Variants in EDIL3 observed in about 807,000 individuals in gnomAD.
EDIL3 encodes the protein EGF-like repeat and discoidin I-like domain-containing protein 3.
EDIL3 carries 37 observed loss-of-function variants against 67.4 expected under a neutral mutation model. The observed-to-expected ratio is 0.55, with a 90% CI of 0.42 to 0.72. The LOEUF is 0.72. Among genes scored for constraint, EDIL3 ranks in the 30% least tolerant of loss-of-function variants. The probability of loss-of-function intolerance (pLI) is 0.00; values close to 1 mark genes in which losing one functional copy is unlikely to be tolerated. For synonymous variants in EDIL3, 195 were observed against 196.3 expected, an observed-to-expected ratio of 0.99 and a Z score of 0.05; for missense variants, 527 against 586.3, an observed-to-expected ratio of 0.90 and a Z score of 1.04.
rs1748590557 is a variant in EDIL3 at position 84,160,751 on chromosome 5, TTTC to T, written c.355+19639_355+19641del. On this transcript the variant is annotated intron_variant, in intron 4 of 10. Transcript: ENST00000296591. ...CTTTTTTTTCTTTTCTTTTCTTTCC[TTTC>T]CTTTCCTTTCCTTTCCTTTCCTTTC... 5.5e-4 allele frequency among the ~76,000 whole-genome samples: 9 copies of T among 16,454 alleles called. No homozygotes were observed. The South Asian group carries it at 9.5e-3, about 17-fold the overall frequency. The allele number at this position is 16,454 out of a possible 152,430, so 10.8% of individuals were successfully genotyped here.
At chr5:84,136,335 C>T (rs1748091156) in intron 5 of EDIL3, among the ~76,000 whole-genome samples, 1 of 152,136 alleles carries the variant, frequency 6.6e-6, no homozygotes, top group Non-Finnish European at 1.5e-5. Flanking sequence ...CGATATACAT[C>T]GAAGCAGTAG....
At chr5:84,272,518 T>C (rs532871181) in intron 1 of EDIL3, among the ~76,000 whole-genome samples, 2 of 152,278 alleles carry the variant, frequency 1.3e-5, no homozygotes, top group East Asian at 1.9e-4. Context: ...TACACATATG[T>C]ATGTGTAGGT....
At chr5:84,323,801 A>G (rs1012833969) in intron 1 of EDIL3, among the ~76,000 whole-genome samples, 3 of 151,900 alleles carry the variant, frequency 2.0e-5, no homozygotes, top group African/African-American at 7.2e-5. Flanking sequence ...ACTTTAACTA[A>G]AAAAGGGCAT....
At chr5:84,229,971 A>G (rs1220669323) in intron 2 of EDIL3, 87 bp from the exon 3 acceptor site, 1 of 1,247,894 alleles carries the variant, frequency 8.0e-7, no homozygotes, top group Non-Finnish European at 1.1e-6. Flanking sequence ...AGAAAAAGAG[A>G]TATTGAGATT....
chr5:84,242,242 A>G (rs1003277838), intron 2 of EDIL3, among the ~76,000 whole-genome samples: 10 of 152,162 alleles, frequency 6.6e-5, no homozygotes, highest in Middle Eastern at 3.4e-3. Flanking sequence ...AAAAAAAAAA[A>G]AAATTTACAC....
intron 4 of EDIL3, among the ~76,000 whole-genome samples, chr5:84,141,922 T>TAC (rs200286199): frequency 5.7e-5 from 5 of 87,750 alleles, no homozygotes; most frequent in African/African-American, 1.9e-4. Context: ...TATATATATA[T>TAC]ACACATATAT....
At chr5:84,118,843 G>C (rs1345517852) in intron 5 of EDIL3, among the ~76,000 whole-genome samples, 1 of 152,054 alleles carries the variant, frequency 6.6e-6, no homozygotes, top group Non-Finnish European at 1.5e-5. Context: ...ATCTCATACA[G>C]TACCAATTCA....
intron 3 of EDIL3, among the ~76,000 whole-genome samples, chr5:84,190,646 A>C (rs1356810595): frequency 6.6e-6 from 1 of 150,530 alleles, no homozygotes; most frequent in African/African-American, 2.4e-5. Flanking sequence ...GGCATCAAGC[A>C]ATCTCACTAT....
intron 1 of EDIL3, among the ~76,000 whole-genome samples, chr5:84,324,061 A>T (rs976964868): frequency 2.6e-5 from 4 of 151,854 alleles, no homozygotes; most frequent in African/African-American, 9.7e-5. Flanking sequence ...CACCAAAAAG[A>T]TCTAACAGAC....
chr5:84,053,114 G>T (rs1746373600), intron 9 of EDIL3, among the ~76,000 whole-genome samples: 1 of 152,218 alleles, frequency 6.6e-6, no homozygotes, highest in Admixed American at 6.5e-5. Context: ...CTGTCTCTCA[G>T]ACCACAGTGC....
intron 3 of EDIL3, among the ~76,000 whole-genome samples, chr5:84,220,391 C>T (rs147551844): frequency 6.5e-4 from 99 of 152,216 alleles, no homozygotes; most frequent in African/African-American, 2.1e-3. Flanking sequence ...AAAGTTACAA[C>T]GCATGACAAT....
intron 5 of EDIL3, among the ~76,000 whole-genome samples, chr5:84,107,667 A>G (rs1451292687): frequency 6.6e-6 from 1 of 151,116 alleles, no homozygotes; most frequent in East Asian, 1.9e-4. Flanking sequence ...TTATGCTCAA[A>G]TGATATGTTC....
chr5:84,307,669 T>C (rs893183227), intron 1 of EDIL3, among the ~76,000 whole-genome samples: 1 of 152,016 alleles, frequency 6.6e-6, no homozygotes, highest in African/African-American at 2.4e-5. Flanking sequence ...GAGGGAGTTA[T>C]TAAAGGAAAT....
At chr5:84,032,181 T>C (rs1255233744) in intron 9 of EDIL3, among the ~76,000 whole-genome samples, 1 of 152,208 alleles carries the variant, frequency 6.6e-6, no homozygotes, top group Admixed American at 6.5e-5. Context: ...TCTTCCATAT[T>C]GAACATAATT....
At chr5:84,050,647 C>T (rs915733309) in intron 9 of EDIL3, among the ~76,000 whole-genome samples, 8 of 152,202 alleles carry the variant, frequency 5.3e-5, no homozygotes, top group Non-Finnish European at 8.8e-5. Context: ...TCTTAGCAAA[C>T]GGCACACCAG....
At chr5:84,009,377 G>C (rs1014300675) in intron 9 of EDIL3, among the ~76,000 whole-genome samples, 44 of 152,194 alleles carry the variant, frequency 2.9e-4, no homozygotes, top group African/African-American at 9.9e-4. Context: ...GGGATCTCCT[G>C]ACATTCTTTC....
chr5:84,141,944 T>TATATACATAC (rs1748202905), intron 4 of EDIL3, among the ~76,000 whole-genome samples: 2 of 102,694 alleles, frequency 1.9e-5, no homozygotes, highest in African/African-American at 7.8e-5. Context: ...TATATATATA[T>TATATACATAC]ATACATAGAT....
chr5:84,283,924 G>T (rs890025792), intron 1 of EDIL3, among the ~76,000 whole-genome samples: 6 of 152,046 alleles, frequency 3.9e-5, no homozygotes, highest in African/African-American at 1.2e-4. Context: ...CAGCTGTACA[G>T]GACCAGGTAG....
intron 1 of EDIL3, among the ~76,000 whole-genome samples, chr5:84,271,341 G>C (rs1745469170): frequency 6.6e-6 from 1 of 151,838 alleles, no homozygotes; most frequent in Non-Finnish European, 1.5e-5. Context: ...GTGAACCCGG[G>C]AGGCAGAGTT....
Sources: allele counts gnomAD v4.1 joint callset (sites outside exome capture counted in the v4.1 genomes callset), GRCh38; gene constraint gnomAD v4.1.1; transcripts MANE v1.5; gene names NCBI Gene and HGNC (gene_info 2026-07-23, HGNC 2026-07-21).